Variants in NHSL1 observed in about 807,000 individuals in gnomAD.
NHSL1 encodes the protein NHS like 1, also known as NHS-like protein 1.
Under a neutral mutation model 95.0 loss-of-function variants are expected in NHSL1, and 48 were observed. The ratio of observed to expected loss-of-function variants is 0.51; its 90% CI spans 0.40 to 0.64. The LOEUF is 0.64. Ranked by LOEUF, NHSL1 falls within the 30% of genes least tolerant of loss-of-function variation. NHSL1 has a pLI of 0.00. For synonymous variants in NHSL1, 783 were observed against 833.9 expected (o/e 0.94, Z 1.05); for missense variants, 1,971 against 2,077.7 (o/e 0.95, Z 1.00).
chr6:138,673,803 C>T (rs1327830721), intron 1 of NHSL1, among the ~76,000 whole-genome samples: 1 of 152,172 alleles, frequency 6.6e-6, no homozygotes, highest in Non-Finnish European at 1.5e-5. Context: ...CTTTTCTTTA[C>T]ACGATTAACA....
chr6:138,647,340 T>TG (rs1785032729), intron 1 of NHSL1, among the ~76,000 whole-genome samples: 1 of 152,206 alleles, frequency 6.6e-6, no homozygotes, highest in Non-Finnish European at 1.5e-5. Flanking sequence ...ACAATTATCT[T>TG]GATGTTTCTT....
intron 1 of NHSL1, among the ~76,000 whole-genome samples, chr6:138,630,790 T>C (rs370365869): frequency 6.6e-5 from 10 of 152,132 alleles, no homozygotes; most frequent in African/African-American, 1.9e-4. Context: ...AGCTAAGAAA[T>C]TTGCAATGGG....
upstream of NHSL1, among the ~76,000 whole-genome samples, chr6:138,502,463 T>C (rs1213352144): frequency 6.6e-6 from 1 of 151,708 alleles, no homozygotes; most frequent in Non-Finnish European, 1.5e-5. Context: ...ACTTCAGCCA[T>C]ATATGACAGT....
At chr6:138,691,358 G>C (rs1285804939) in intron 1 of NHSL1, among the ~76,000 whole-genome samples, 2 of 152,118 alleles carry the variant, frequency 1.3e-5, no homozygotes, top group African/African-American at 4.8e-5. Flanking sequence ...ATACAACTTG[G>C]AGAAAGATGT....
At chr6:138,504,289 G>A (rs935846506), upstream of NHSL1, among the ~76,000 whole-genome samples, 13 of 152,178 alleles carry the variant, frequency 8.5e-5, no homozygotes, top group African/African-American at 3.1e-4. Flanking sequence ...GCTGCCTTGT[G>A]TTAGGTGTCC....
At chr6:138,441,953 G>A (rs1467330521) in intron 5 of NHSL1, 30 bp downstream of exon 5, 1 of 1,531,954 alleles carries the variant, frequency 6.5e-7, no homozygotes, top group Non-Finnish European at 8.8e-7. Context: ...GCAGTGAAGG[G>A]CAACAGAATA....
intron 1 of NHSL1, among the ~76,000 whole-genome samples, chr6:138,629,136 G>A (rs988415834): frequency 3.2e-4 from 49 of 152,136 alleles, no homozygotes; most frequent in African/African-American, 1.2e-3. Context: ...TCTGCCGCCT[G>A]TACACATAGG....
At chr6:138,443,263 T>C (rs1160290737) in intron 4 of NHSL1, among the ~76,000 whole-genome samples, 1 of 152,144 alleles carries the variant, frequency 6.6e-6, no homozygotes, top group African/African-American at 2.4e-5. Context: ...CAAAACACAT[T>C]TCCCCTACTG....
intron 1 of NHSL1, among the ~76,000 whole-genome samples, chr6:138,680,169 T>A (rs1437394997): frequency 6.6e-6 from 1 of 152,184 alleles, no homozygotes; most frequent in African/African-American, 2.4e-5. Context: ...TGTGTCTGAG[T>A]CTATACTTAT....
chr6:138,527,503 G>T (rs951175519), intron 1 of NHSL1, among the ~76,000 whole-genome samples: 1 of 152,162 alleles, frequency 6.6e-6, no homozygotes, highest in Non-Finnish European at 1.5e-5. Flanking sequence ...ATGAATAGCG[G>T]CTGAATTTAT....
intron 3 of NHSL1, among the ~76,000 whole-genome samples, chr6:138,466,863 C>G (rs1310781703): frequency 6.6e-6 from 1 of 152,026 alleles, no homozygotes; most frequent in Admixed American, 6.5e-5. Context: ...GCGGGTGGAT[C>G]ACCTGAGATC....
upstream of NHSL1, among the ~76,000 whole-genome samples, chr6:138,501,816 G>C (rs1312649639): frequency 6.6e-6 from 1 of 152,176 alleles, no homozygotes; most frequent in Non-Finnish European, 1.5e-5. Context: ...TGTAGTATTT[G>C]CATGCAACCT....
intron 1 of NHSL1, among the ~76,000 whole-genome samples, chr6:138,593,028 A>G (rs1016170011): frequency 6.6e-6 from 1 of 152,236 alleles, no homozygotes; most frequent in African/African-American, 2.4e-5. Flanking sequence ...ATTAAAAATA[A>G]AGTTGATTTA....
intron 1 of NHSL1, among the ~76,000 whole-genome samples, chr6:138,666,852 AC>A (rs1785302308): frequency 6.6e-6 from 1 of 152,216 alleles, no homozygotes; most frequent in African/African-American, 2.4e-5. Context: ...AAATTCTGTA[AC>A]GCTGGAATCT....
At position 138,431,865 on chromosome 6, in the gene NHSL1, A is replaced by G. The variant is rs1239582924; in HGVS notation, c.2480T>C (p.Val827Ala). The change falls in exon 6 of 8, where the codon GTG becomes GCG. Residue 827 changes from valine to alanine, a missense_variant. By Grantham distance (64) the Val-to-Ala change is moderately conservative. Transcript: ENST00000343505. This position sits in a 1 kb window ranked among gnomAD's most constrained non-coding sequence, Gnocchi z 4.0. ...QEGSRATMPQVPGGSVKPKIM... is the reference protein window; with the variant it reads ...QEGSRATMPQAPGGSVKPKIM... ...CTTTGGTTTGACTGAACCACCGGGC[A>G]CTTGGGGCATTGTGGCTCTGGACCC... The G allele has an allele frequency of 2.0e-5, 31 of 1,551,578 alleles. No homozygotes were observed. Among genetic ancestry groups the G allele is most frequent in the Non-Finnish European group, 2.5e-5 (29 of 1,146,988 alleles).
intron 1 of NHSL1, among the ~76,000 whole-genome samples, chr6:138,590,585 C>T (rs1243105145): frequency 1.9e-4 from 29 of 152,188 alleles, no homozygotes; most frequent in Admixed American, 1.8e-3. Context: ...ACCCAAGCTC[C>T]TCTGCCTTCC....
In NHSL1 at chr6:138,432,450, G is replaced by T. The variant is rs1417756415; in HGVS notation, c.1895C>A (p.Pro632His). 42 of 1,552,188 alleles carry T rather than the reference G, an allele frequency of 2.7e-5. No individual in the cohort carries two copies. Among genetic ancestry groups the T allele is most frequent in the Non-Finnish European group, 3.6e-5 (41 of 1,147,142 alleles). ...LCNSSDGFGN[P>H]RHSVINVFVG... ...AAAAACATTGATCACGCTGTGCCTG[G>T]GGTTCCCAAAGCCATCACTGCTATT... Residue 632 changes from proline (P) to histidine (H), a missense_variant, in exon 6 of 8, where the codon CCC becomes CAC. By Grantham distance (77) the Pro-to-His change is moderately conservative. Transcript: ENST00000343505. The surrounding 1 kb of genome is among the most constrained non-coding windows in gnomAD (Gnocchi z 4.4).
At chr6:138,532,005 C>G (rs1259045666) in intron 1 of NHSL1, among the ~76,000 whole-genome samples, 1 of 152,178 alleles carries the variant, frequency 6.6e-6, no homozygotes, top group Non-Finnish European at 1.5e-5. Context: ...ATGTATGACA[C>G]TGTGATAGGT....
At chr6:138,498,717 G>C (rs1425632227) in intron 1 of NHSL1, among the ~76,000 whole-genome samples, 3 of 152,148 alleles carry the variant, frequency 2.0e-5, no homozygotes, top group African/African-American at 7.2e-5. Flanking sequence ...GATCAGTCTA[G>C]ACAGTTTGTG....
Sources: gnomAD v4.1 joint callset for allele counts (sites outside exome capture counted in the v4.1 genomes callset) on GRCh38, gnomAD v4.1.1 for gene constraint, Gnocchi (gnomAD v3.1) non-coding constraint, MANE v1.5 for transcripts, NCBI Gene and HGNC (gene_info 2026-07-23, HGNC 2026-07-21) for gene names.